The following CADM1 variants were observed in gnomAD, a reference collection of about 807,000 sequenced individuals.
The protein encoded by CADM1 is cell adhesion molecule 1.
In CADM1, 15 loss-of-function variants were observed where a neutral mutation model predicts 53.1. The ratio of observed to expected loss-of-function variants is 0.28; its 90% CI spans 0.19 to 0.44. The LOEUF (loss-of-function observed/expected upper bound fraction) is 0.44, where lower values mean the gene tolerates loss of function less well. Among genes scored for constraint, CADM1 ranks in the 20% least tolerant of loss-of-function variants. CADM1 has a pLI of 1.00. For missense variants in CADM1, 434 were observed against 611.3 expected, an observed-to-expected ratio of 0.71 and a Z score of 3.06; for synonymous variants, 281 against 243.0, an observed-to-expected ratio of 1.16 and a Z score of -1.45.
intron 1 of CADM1, among the ~76,000 whole-genome samples, chr11:115,346,521 ACC>A (rs1945582526): frequency 6.6e-6 from 1 of 152,124 alleles, no homozygotes; most frequent in Non-Finnish European, 1.5e-5. Flanking sequence ...GGCTTGAGCC[ACC>A]ACACACACCT....
intron 9 of CADM1, chr11:115,193,903 A>T (rs927485632): frequency 5.3e-5 from 8 of 152,178 alleles, no homozygotes; most frequent in African/African-American, 1.9e-4. Context: ...ACCAGCCATG[A>T]GTTCAGACGC....
At position 115,428,467 on chromosome 11, in the gene CADM1, AT is replaced by A. The variant is rs371402965; in HGVS notation, c.124+75803del. Among the ~76,000 whole-genome samples, 109 of 151,754 alleles carry A rather than the reference AT, an allele frequency of 7.2e-4. No individual in the cohort carries two copies. In the East Asian group the frequency reaches 0.016, roughly 22 times the overall value. On this transcript the variant is annotated intron_variant, in intron 1 of 11. Coordinates refer to ENST00000331581, the MANE Select transcript of CADM1 (RefSeq NM_001301043.2). ...AGGCAAGAGTCCTTGCATCTGGTGAATTTTTTTTTAAGAGTTTGGAATGATG... is the reference window on the plus strand; with the variant it reads ...AGGCAAGAGTCCTTGCATCTGGTGAATTTTTTTTAAGAGTTTGGAATGATG...
chr11:115,428,326 C>T (rs1218947862), intron 1 of CADM1, among the ~76,000 whole-genome samples: 1 of 152,042 alleles, frequency 6.6e-6, no homozygotes, highest in Non-Finnish European at 1.5e-5. Context: ...GCAATACATC[C>T]ACTAAATGGA....
intron 1 of CADM1, among the ~76,000 whole-genome samples, chr11:115,340,991 A>G (rs997696712): frequency 2.6e-4 from 39 of 151,992 alleles, no homozygotes; most frequent in Non-Finnish European, 4.9e-4. Flanking sequence ...CAAATGGAAG[A>G]AAATGTTGTT....
intron 1 of CADM1, among the ~76,000 whole-genome samples, chr11:115,319,749 C>A (rs1299054926): frequency 6.6e-6 from 1 of 151,290 alleles, no homozygotes; most frequent in South Asian, 2.1e-4. Flanking sequence ...TATGTACATC[C>A]TGACAGATGT....
At chr11:115,202,934 A>G (rs1312155819) in intron 8 of CADM1, among the ~76,000 whole-genome samples, 1 of 151,148 alleles carries the variant, frequency 6.6e-6, no homozygotes, top group Non-Finnish European at 1.5e-5. Context: ...TCTGGAATTT[A>G]TTTTCTCCTG....
chr11:115,423,958 C>A (rs943283291), intron 1 of CADM1, among the ~76,000 whole-genome samples: 1 of 152,202 alleles, frequency 6.6e-6, no homozygotes, highest in Admixed American at 6.5e-5. Flanking sequence ...CTTCAGGAAG[C>A]ATCCTGGTCA....
At chr11:115,265,691 A>T (rs1388790817) in intron 1 of CADM1, among the ~76,000 whole-genome samples, 2 of 152,238 alleles carry the variant, frequency 1.3e-5, no homozygotes, top group African/African-American at 2.4e-5. Flanking sequence ...GGGTTAATCC[A>T]AAAGAATGAC....
rs75523154 is a variant in CADM1, at chr11:115,198,687, G to A, written c.1079-249C>T. Among the ~76,000 whole-genome samples the A allele has an allele frequency of 2.1e-3, 322 of 152,316 alleles. 9 individuals are homozygous for A. Among genetic ancestry groups the A allele is most frequent in the East Asian group, 9.6e-4 (5 of 5,190 alleles). Reference sequence around the variant, plus strand: ...TAAATTCTTTGGTTCTGGGGGTCTTGCCAGGACACATATATTTGCTAGTCA... The same window carrying A: ...TAAATTCTTTGGTTCTGGGGGTCTTACCAGGACACATATATTTGCTAGTCA... On this transcript the variant is annotated intron_variant, in intron 8 of 11. Coordinates refer to ENST00000331581, the MANE Select transcript of CADM1 (RefSeq NM_001301043.2).
intron 1 of CADM1, among the ~76,000 whole-genome samples, chr11:115,382,808 T>C (rs920842214): frequency 6.6e-6 from 1 of 152,098 alleles, no homozygotes; most frequent in African/African-American, 2.4e-5. Context: ...CGCTAAATAG[T>C]TTTAGACTTC....
chr11:115,299,617 T>C (rs1944167709), intron 1 of CADM1, among the ~76,000 whole-genome samples: 1 of 152,200 alleles, frequency 6.6e-6, no homozygotes, highest in Non-Finnish European at 1.5e-5. Flanking sequence ...TGCACTGCTT[T>C]ATTATTTTGA....
chr11:115,203,790 C>A (rs1019598733), intron 8 of CADM1, among the ~76,000 whole-genome samples: 1 of 152,068 alleles, frequency 6.6e-6, no homozygotes, highest in African/African-American at 2.4e-5. Flanking sequence ...TTTTCTCATT[C>A]CCTCCTAAAT....
chr11:115,196,915 T>C (rs1228529484), intron 9 of CADM1, among the ~76,000 whole-genome samples: 1 of 152,196 alleles, frequency 6.6e-6, no homozygotes, highest in African/African-American at 2.4e-5. Context: ...CTGAGCTTAA[T>C]GGACTGCAAT....
intron 1 of CADM1, among the ~76,000 whole-genome samples, chr11:115,382,708 C>T (rs956074739): frequency 1.3e-5 from 2 of 152,006 alleles, no homozygotes; most frequent in Admixed American, 1.3e-4. Context: ...ACTAAGAAAA[C>T]AAAGGTTTCT....
chr11:115,210,485 A>T (rs1024621159), intron 7 of CADM1, among the ~76,000 whole-genome samples: 1 of 152,176 alleles, frequency 6.6e-6, no homozygotes, highest in East Asian at 1.9e-4. Context: ...ATCATCTCAA[A>T]AATTATTTGG....
intron 1 of CADM1, among the ~76,000 whole-genome samples, chr11:115,502,455 C>CA (rs1187566455): frequency 6.6e-6 from 1 of 150,472 alleles, no homozygotes; most frequent in Non-Finnish European, 1.5e-5. Flanking sequence ...TACAATGCAG[C>CA]AGCACGAGGG....
intron 1 of CADM1, among the ~76,000 whole-genome samples, chr11:115,347,717 C>A (rs1409634279): frequency 1.3e-5 from 2 of 152,158 alleles, no homozygotes; most frequent in Admixed American, 1.3e-4. Context: ...TGTACATTAA[C>A]ATACTTTTGA....
chr11:115,448,936 A>C (rs1948512052), intron 1 of CADM1, among the ~76,000 whole-genome samples: 3 of 152,198 alleles, frequency 2.0e-5, no homozygotes, highest in Admixed American at 2.0e-4. Flanking sequence ...TCTTCCCATG[A>C]AAGAAAAGCT....
At chr11:115,481,768 C>T (rs937440270) in intron 1 of CADM1, among the ~76,000 whole-genome samples, 27 of 152,152 alleles carry the variant, frequency 1.8e-4, no homozygotes, top group African/African-American at 6.5e-4. Flanking sequence ...TGAAATTCTA[C>T]TTTCCTAAAC....
Sources: allele counts gnomAD v4.1 joint callset (sites outside exome capture counted in the v4.1 genomes callset), GRCh38; gene constraint gnomAD v4.1.1; transcripts MANE v1.5; gene names NCBI Gene and HGNC (gene_info 2026-07-23, HGNC 2026-07-21).